Variants in CDC25C observed in about 807,000 individuals in gnomAD.
CDC25C encodes M-phase inducer phosphatase 3.
Under a neutral mutation model 52.5 loss-of-function variants are expected in CDC25C, and 48 were observed. The observed-to-expected ratio is 0.91, with a 90% CI of 0.72 to 1.16. CDC25C has a LOEUF of 1.16. Among genes scored for constraint, CDC25C ranks in the 50% most tolerant of loss-of-function variants. The pLI, the probability that CDC25C is intolerant of heterozygous loss-of-function variation, is 0.00. For missense variants in CDC25C, 510 were observed against 566.1 expected, an observed-to-expected ratio of 0.90 and a Z score of 1.01; for synonymous variants, 187 against 206.5, an observed-to-expected ratio of 0.91 and a Z score of 0.81.
intron 1 of CDC25C, chr5:138,337,829 G>C (rs559836449): frequency 1.9e-6 from 1 of 523,730 alleles, no homozygotes; most frequent in Non-Finnish European, 3.1e-6. Flanking sequence ...AGAGGTGGTC[G>C]TGGAGGGCGG....
intron 7 of CDC25C, among the ~76,000 whole-genome samples, chr5:138,317,466 GT>G (rs1379600819): frequency 2.0e-5 from 3 of 151,880 alleles, no homozygotes; most frequent in Non-Finnish European, 4.4e-5. Context: ...AATCACTTGA[GT>G]CCAGGAGTTT....
At chr5:138,306,240 A>G (rs1159654399) in intron 7 of CDC25C, among the ~76,000 whole-genome samples, 1 of 152,120 alleles carries the variant, frequency 6.6e-6, no homozygotes, top group Non-Finnish European at 1.5e-5. Context: ...TAACTAGAAT[A>G]TCTATTAACT....
At chr5:138,287,488 C>G (rs1217591803) in intron 10 of CDC25C, among the ~76,000 whole-genome samples, 1 of 152,170 alleles carries the variant, frequency 6.6e-6, no homozygotes, top group African/African-American at 2.4e-5. Flanking sequence ...CTGGCACTGA[C>G]AAGATACCAA....
At chr5:138,329,770 C>A (rs1050004478) in intron 2 of CDC25C, 123 bp from the exon 3 acceptor site, 2 of 503,926 alleles carry the variant, frequency 4.0e-6, no homozygotes, top group Admixed American at 3.6e-5. Flanking sequence ...TTGCTCTGTC[C>A]CCCCAGCTCA....
intron 6 of CDC25C, among the ~76,000 whole-genome samples, chr5:138,320,928 A>G (rs1423400955): frequency 6.7e-6 from 1 of 148,452 alleles, no homozygotes; most frequent in East Asian, 1.9e-4. Context: ...AAAAAAAAAA[A>G]AAAAAAAAAA....
chr5:138,326,696 G>A (rs1285612559), intron 4 of CDC25C, among the ~76,000 whole-genome samples: 1 of 152,160 alleles, frequency 6.6e-6, no homozygotes, highest in East Asian at 1.9e-4. Flanking sequence ...GCCCACGCCT[G>A]TAATCCCAGC....
intron 7 of CDC25C, among the ~76,000 whole-genome samples, chr5:138,310,923 G>T (rs1310646109): frequency 6.6e-6 from 1 of 152,188 alleles, no homozygotes; most frequent in Admixed American, 6.5e-5. Context: ...TGAAATTAAA[G>T]ATTTATAAAA....
At chr5:138,297,074 C>A (rs1160203996) in intron 7 of CDC25C, among the ~76,000 whole-genome samples, 3 of 146,466 alleles carry the variant, frequency 2.0e-5, no homozygotes, top group African/African-American at 7.6e-5. Flanking sequence ...CCACGCCAGG[C>A]TAATTTTTTT....
Position 138,328,579 on chromosome 5 carries a change from A to G in CDC25C, c.290-50T>C, listed in dbSNP as rs964782548. On this transcript the variant is annotated intron_variant, in intron 3 of 13. Coordinates refer to ENST00000323760, the MANE Select transcript of CDC25C (RefSeq NM_001790.5). ...TAAAAGGAGTTATTCTTGTCCATGC[A>G]TCCTGTTTTTCCTTCAGATTTTCTT... 4.7e-6 allele frequency: 7 copies of G among 1,475,848 alleles called. No homozygotes were observed. The African/African-American group carries it at 6.9e-5, about 15-fold the overall frequency. The allele number at this position is 1,475,848 out of a possible 1,614,324, so 91.4% of individuals were successfully genotyped here. A position where few individuals can be genotyped will look rare whatever the true frequency, so the allele number is the denominator to read the frequency against.
intron 7 of CDC25C, among the ~76,000 whole-genome samples, chr5:138,292,572 A>G (rs1016173171): frequency 1.3e-5 from 2 of 152,024 alleles, no homozygotes; most frequent in Non-Finnish European, 2.9e-5. Context: ...CAACAAACCT[A>G]AAGATGAAAA....
At chr5:138,305,218 C>T (rs1043052925) in intron 7 of CDC25C, among the ~76,000 whole-genome samples, 1 of 152,298 alleles carries the variant, frequency 6.6e-6, no homozygotes, top group East Asian at 1.9e-4. Flanking sequence ...ATGGAAGCCC[C>T]ATATCCTAGA....
chr5:138,289,331 G>C, intron 10 of CDC25C, 170 bp downstream of exon 10: 1 of 571,470 alleles, frequency 1.7e-6, no homozygotes, highest in South Asian at 2.5e-5. Context: ...AAACGAAGGA[G>C]AGAGAAGAAT....
chr5:138,300,660 A>C (rs1757563820), intron 7 of CDC25C, among the ~76,000 whole-genome samples: 1 of 152,196 alleles, frequency 6.6e-6, no homozygotes, highest in Non-Finnish European at 1.5e-5. Context: ...CATACATAGA[A>C]TATTCTACTC....
chr5:138,293,988 A>G (rs1353980501), intron 7 of CDC25C, among the ~76,000 whole-genome samples: 1 of 149,688 alleles, frequency 6.7e-6, no homozygotes, highest in Non-Finnish European at 1.5e-5. Flanking sequence ...ATTTTTGCCA[A>G]CTCAAGGTCA....
chr5:138,318,978 T>A (rs2126791282), intron 7 of CDC25C, among the ~76,000 whole-genome samples: 1 of 152,336 alleles, frequency 6.6e-6, no homozygotes, highest in African/African-American at 2.4e-5. Flanking sequence ...TGCAACCAAC[T>A]GGGCTGTCTC....
At chr5:138,292,175 C>T in intron 7 of CDC25C, 59 bp from the exon 8 acceptor site, 1 of 1,343,476 alleles carries the variant, frequency 7.4e-7, no homozygotes, top group East Asian at 2.5e-5. Context: ...TGCAGACCTG[C>T]AGCAACAACA....
chr5:138,318,607 C>T (rs201501758), intron 7 of CDC25C, among the ~76,000 whole-genome samples: 4 of 150,998 alleles, frequency 2.6e-5, no homozygotes, highest in East Asian at 4.0e-4. Flanking sequence ...CCCAGCTACT[C>T]GAGAGGCTGA....
At chr5:138,306,052 G>A (rs534427340) in intron 7 of CDC25C, among the ~76,000 whole-genome samples, 1 of 152,168 alleles carries the variant, frequency 6.6e-6, no homozygotes, top group Non-Finnish European at 1.5e-5. Context: ...GGCATTGAGT[G>A]TCTAGCCAGC....
chr5:138,306,847 T>C (rs1217521030), intron 7 of CDC25C, among the ~76,000 whole-genome samples: 1 of 151,834 alleles, frequency 6.6e-6, no homozygotes, highest in African/African-American at 2.4e-5. Flanking sequence ...TCCTTTTCTT[T>C]TTTTTTTCCT....
Sources: gnomAD v4.1 joint callset for allele counts (sites outside exome capture counted in the v4.1 genomes callset) on GRCh38, gnomAD v4.1.1 for gene constraint, MANE v1.5 for transcripts, NCBI Gene and HGNC (gene_info 2026-07-23, HGNC 2026-07-21) for gene names.